The following DAB1 variants were observed in gnomAD, a reference collection of about 807,000 sequenced individuals.
DAB1 encodes the protein disabled homolog 1.
Under a neutral mutation model 64.6 loss-of-function variants are expected in DAB1, and 15 were observed. The observed-to-expected ratio is 0.23, with a 90% CI of 0.16 to 0.36. The LOEUF (loss-of-function observed/expected upper bound fraction) is 0.36. DAB1 is among the 10% of genes least tolerant of loss of function. The pLI is 1.00. For missense variants in DAB1, 596 were observed against 706.7 expected, an observed-to-expected ratio of 0.84 and a Z score of 1.78; for synonymous variants, 235 against 251.9, an observed-to-expected ratio of 0.93 and a Z score of 0.64.
chr1:58,307,182 A>G (rs1662326842), intron 4 of DAB1, among the ~76,000 whole-genome samples: 1 of 152,228 alleles, frequency 6.6e-6, no homozygotes, highest in African/African-American at 2.4e-5. Context: ...CCAGTAAAAA[A>G]GAAAGAAAAT....
chr1:57,135,519 G>A (rs1436322717), intron 4 of DAB1, among the ~76,000 whole-genome samples: 1 of 152,128 alleles, frequency 6.6e-6, no homozygotes, highest in Non-Finnish European at 1.5e-5. Flanking sequence ...ACAGGCATGG[G>A]TTGCTTCTAC....
intron 4 of DAB1, among the ~76,000 whole-genome samples, chr1:57,110,214 CAAACAAA>C (rs1379029884): frequency 6.6e-6 from 1 of 152,176 alleles, no homozygotes; most frequent in Non-Finnish European, 1.5e-5. Flanking sequence ...CCACCATTTA[CAAACAAA>C]AACTAGGCCA....
intron 5 of DAB1, among the ~76,000 whole-genome samples, chr1:57,910,995 A>G (rs944412761): frequency 3.3e-5 from 5 of 152,268 alleles, no homozygotes; most frequent in African/African-American, 9.6e-5. Context: ...CCAGATACTT[A>G]GAAATATGTA....
chr1:57,844,033 C>T (rs565597610), intron 1 of DAB1, among the ~76,000 whole-genome samples: 1 of 152,354 alleles, frequency 6.6e-6, no homozygotes, highest in South Asian at 2.1e-4. Context: ...CACACTATCT[C>T]TTTTCAATCT....
rs187545040 is a variant in DAB1 at position 57,901,843 on chromosome 1, G to A, written n.388-17681C>T. Reference sequence around the variant, plus strand: ...TCCTTCTCACAGCCAACCCCACTGCGAATCCCAAATGATGTGAGATTGGAG... The same window carrying A: ...TCCTTCTCACAGCCAACCCCACTGCAAATCCCAAATGATGTGAGATTGGAG... On this transcript the variant is annotated intron_variant and non_coding_transcript_variant, in intron 5 of 20. Coordinates refer to the DAB1 transcript ENST00000485760. Among the ~76,000 whole-genome samples, 812 of 152,168 alleles carry A rather than the reference G, an allele frequency of 5.3e-3. 8 individuals carry two copies. The highest frequency in any genetic ancestry group is 8.5e-3 in the Non-Finnish European group (579 of 68,006).
chr1:57,316,264 C>A (rs1183135146), intron 1 of DAB1, among the ~76,000 whole-genome samples: 6 of 152,184 alleles, frequency 3.9e-5, no homozygotes, highest in Non-Finnish European at 5.9e-5. Context: ...AAACAAGAAG[C>A]ACTTCCTAAG....
chr1:58,265,150 A>G (rs1364117163), intron 4 of DAB1, among the ~76,000 whole-genome samples: 1 of 152,202 alleles, frequency 6.6e-6, no homozygotes, highest in Non-Finnish European at 1.5e-5. Context: ...CAATATTTAT[A>G]ATCTTCAAAA....
At chr1:57,455,793 CT>C (rs1686568847) in intron 7 of DAB1, among the ~76,000 whole-genome samples, 1 of 152,206 alleles carries the variant, frequency 6.6e-6, no homozygotes, top group East Asian at 1.9e-4. Flanking sequence ...ACCCTCTCTC[CT>C]AATCTTCAGC....
At chr1:57,405,612 C>T (rs1380632467) in intron 1 of DAB1, among the ~76,000 whole-genome samples, 2 of 152,188 alleles carry the variant, frequency 1.3e-5, no homozygotes, top group Non-Finnish European at 2.9e-5. Flanking sequence ...TCTAGCTTTT[C>T]TTGAAAAAGC....
chr1:58,501,174 T>C (rs143066802), intron 3 of DAB1, among the ~76,000 whole-genome samples: 1 of 152,214 alleles, frequency 6.6e-6, no homozygotes, highest in East Asian at 1.9e-4. Context: ...CCTTTTTAAA[T>C]GCTAATGGAT....
At chr1:57,322,947 A>G (rs1675841583) in intron 1 of DAB1, among the ~76,000 whole-genome samples, 1 of 152,224 alleles carries the variant, frequency 6.6e-6, no homozygotes, top group African/African-American at 2.4e-5. Flanking sequence ...CTTTAATGCT[A>G]GATCAGCTCA....
chr1:57,111,412 T>C (rs1046079991), intron 4 of DAB1, among the ~76,000 whole-genome samples: 1 of 152,188 alleles, frequency 6.6e-6, no homozygotes, highest in African/African-American at 2.4e-5. Context: ...ACAGCCATTG[T>C]TACAACATCA....
intron 5 of DAB1, among the ~76,000 whole-genome samples, chr1:57,892,634 T>A (rs1644333721): frequency 6.6e-6 from 1 of 152,222 alleles, no homozygotes. Flanking sequence ...TCTCAAAGAT[T>A]CTCACCTGAT....
intron 1 of DAB1, among the ~76,000 whole-genome samples, chr1:57,319,536 C>A (rs940707208): frequency 6.6e-6 from 1 of 152,126 alleles, no homozygotes; most frequent in Non-Finnish European, 1.5e-5. Context: ...ACACAAAACA[C>A]CCCCTCCCCC....
chr1:58,079,415 A>C (rs1457752759), intron 5 of DAB1, among the ~76,000 whole-genome samples: 1 of 151,850 alleles, frequency 6.6e-6, no homozygotes, highest in Non-Finnish European at 1.5e-5. Flanking sequence ...GCTAAGGTTC[A>C]TGGGACAGGG....
chr1:57,917,185 C>T (rs1005571578), intron 5 of DAB1, among the ~76,000 whole-genome samples: 1 of 152,196 alleles, frequency 6.6e-6, no homozygotes, highest in Non-Finnish European at 1.5e-5. Context: ...TTCCCCTCCC[C>T]TCCCCATGAG....
intron 6 of DAB1, among the ~76,000 whole-genome samples, chr1:57,780,920 A>G (rs918783822): frequency 4.0e-5 from 6 of 150,734 alleles, no homozygotes; most frequent in African/African-American, 1.2e-4. Flanking sequence ...TAGAGACAGG[A>G]TTTTGCCATG....
chr1:57,199,230 T>G (rs556184243), intron 2 of DAB1, among the ~76,000 whole-genome samples: 1 of 152,360 alleles, frequency 6.6e-6, no homozygotes, highest in South Asian at 2.1e-4. Context: ...CCTGCAGCTT[T>G]TAATAACTTC....
chr1:58,471,144 C>T (rs1051172351), intron 3 of DAB1, among the ~76,000 whole-genome samples: 1 of 152,144 alleles, frequency 6.6e-6, no homozygotes, highest in African/African-American at 2.4e-5. Context: ...AGTTTTGAGG[C>T]AGACAGTGCC....
Sources: gnomAD v4.1 joint callset for allele counts (sites outside exome capture counted in the v4.1 genomes callset) on GRCh38, gnomAD v4.1.1 for gene constraint, MANE v1.5 for transcripts, NCBI Gene and HGNC (gene_info 2026-07-23, HGNC 2026-07-21) for gene names.